SPAG16: variants seen among roughly 807,000 people sequenced by gnomAD.
SPAG16 encodes the protein sperm-associated antigen 16 protein.
Under a neutral mutation model 80.4 loss-of-function variants are expected in SPAG16, and 86 were observed. That is an observed-to-expected ratio of 1.07 (90% CI 0.90 to 1.28). The LOEUF (loss-of-function observed/expected upper bound fraction) is 1.28. SPAG16 is among the 50% of genes most tolerant of loss of function. The pLI is 0.00. For synonymous variants in SPAG16, 294 were observed against 265.9 expected (o/e 1.11, Z -1.03); for missense variants, 870 against 765.3 (o/e 1.14, Z -1.61).
At chr2:214,053,999 C>CA (rs1553704928) in intron 13 of SPAG16, among the ~76,000 whole-genome samples, 3 of 151,412 alleles carry the variant, frequency 2.0e-5, no homozygotes, top group South Asian at 2.1e-4. Flanking sequence ...CCCCCACTCC[C>CA]TTTTTTTTTA....
chr2:213,796,574 A>C (rs1287979565), intron 10 of SPAG16, among the ~76,000 whole-genome samples: 1 of 152,204 alleles, frequency 6.6e-6, no homozygotes, highest in Non-Finnish European at 1.5e-5. Flanking sequence ...TGATGATCCC[A>C]TAATATTATA....
Position 214,216,361 on chromosome 2 carries a change from C to T in SPAG16, c.1720+67095C>T, listed in dbSNP as rs141963037. 3.8e-3 allele frequency among the ~76,000 whole-genome samples: 572 copies of T among 152,158 alleles called. 4 individuals carry two copies. Among genetic ancestry groups the T allele is most frequent in the African/African-American group, 0.013 (550 of 41,498 alleles). On this transcript the variant is annotated intron_variant, in intron 15 of 15. Coordinates refer to ENST00000331683, the MANE Select transcript of SPAG16 (RefSeq NM_024532.5). ...ATGATGAGATGGAGTCTTGCTCTGT[C>T]GCCAGGCTGGAATGCAGTGGCACGA...
chr2:213,691,055 T>TCACCTCTTAAAGGCCC (rs1445001137), intron 10 of SPAG16, among the ~76,000 whole-genome samples: 4 of 152,100 alleles, frequency 2.6e-5, no homozygotes, highest in Non-Finnish European at 5.9e-5. Flanking sequence ...GAAGGCCTAA[T>TCACCTCTTAAAGGCCC]CACCTCTTAA....
At chr2:213,789,230 G>T (rs2070534649) in intron 10 of SPAG16, among the ~76,000 whole-genome samples, 1 of 151,792 alleles carries the variant, frequency 6.6e-6, no homozygotes, top group South Asian at 2.1e-4. Flanking sequence ...CTTTCTGTAG[G>T]CTATAGTATT....
intron 15 of SPAG16, among the ~76,000 whole-genome samples, chr2:214,257,928 T>C (rs527779190): frequency 6.6e-6 from 1 of 152,112 alleles, no homozygotes; most frequent in Non-Finnish European, 1.5e-5. Flanking sequence ...TGAAACCATA[T>C]GGGCGTATAG....
chr2:213,853,262 C>G (rs2074997276), intron 10 of SPAG16, among the ~76,000 whole-genome samples: 1 of 152,132 alleles, frequency 6.6e-6, no homozygotes, highest in South Asian at 2.1e-4. Flanking sequence ...TTTGAAAAGT[C>G]TAACAGTGGA....
chr2:213,878,366 C>T (rs1047142969), intron 11 of SPAG16, among the ~76,000 whole-genome samples: 1 of 151,966 alleles, frequency 6.6e-6, no homozygotes, highest in East Asian at 1.9e-4. Flanking sequence ...AAATAACAGA[C>T]CTTCTAACTA....
intron 15 of SPAG16, among the ~76,000 whole-genome samples, chr2:214,264,948 T>A (rs745549108): frequency 6.6e-6 from 1 of 152,174 alleles, no homozygotes; most frequent in Non-Finnish European, 1.5e-5. Flanking sequence ...TGTCTCTTCA[T>A]GGTTTGATAG....
At chr2:213,762,886 T>G (rs1182377025) in intron 10 of SPAG16, among the ~76,000 whole-genome samples, 2 of 152,138 alleles carry the variant, frequency 1.3e-5, no homozygotes, top group Non-Finnish European at 2.9e-5. Context: ...GTTGCAAATC[T>G]TATAAGGGGT....
intron 9 of SPAG16, among the ~76,000 whole-genome samples, chr2:213,465,322 A>G (rs1222237236): frequency 3.9e-5 from 6 of 152,174 alleles, no homozygotes; most frequent in African/African-American, 1.4e-4. Context: ...TGCACCCGAG[A>G]AAACAGGTGC....
At chr2:213,860,868 A>G (rs527409721) in intron 10 of SPAG16, among the ~76,000 whole-genome samples, 1 of 152,328 alleles carries the variant, frequency 6.6e-6, no homozygotes, top group Admixed American at 6.5e-5. Flanking sequence ...GTGAGCCAAC[A>G]TACATCATAC....
At chr2:214,279,262 A>T (rs1692713717) in intron 15 of SPAG16, among the ~76,000 whole-genome samples, 2 of 152,098 alleles carry the variant, frequency 1.3e-5, no homozygotes, top group South Asian at 4.1e-4. Context: ...ATGCCCAGCT[A>T]ATTTTTGTAT....
intron 12 of SPAG16, among the ~76,000 whole-genome samples, chr2:213,958,063 A>G (rs1023693729): frequency 1.3e-5 from 2 of 152,180 alleles, no homozygotes; most frequent in African/African-American, 2.4e-5. Context: ...TTGCTGAGCC[A>G]ACCAGAAGAG....
chr2:214,292,585 C>A (rs1912194), intron 15 of SPAG16, among the ~76,000 whole-genome samples: 56,256 of 151,862 alleles, frequency 0.37, 10,778 homozygotes, highest in East Asian at 0.55. Context: ...TTGCTTTAAT[C>A]ATTTTTATTT....
intron 10 of SPAG16, among the ~76,000 whole-genome samples, chr2:213,852,782 G>A (rs535599876): frequency 1.3e-5 from 2 of 151,978 alleles, no homozygotes; most frequent in Admixed American, 1.3e-4. Flanking sequence ...TTTGTGATCT[G>A]TTCTCCCCTA....
At chr2:213,343,489 A>G (rs1171806849) in intron 6 of SPAG16, among the ~76,000 whole-genome samples, 1 of 152,192 alleles carries the variant, frequency 6.6e-6, no homozygotes, top group East Asian at 1.9e-4. Context: ...TGATTTATCT[A>G]TAGATATATC....
chr2:213,355,929 G>C (rs935388418), intron 7 of SPAG16, among the ~76,000 whole-genome samples: 1 of 152,138 alleles, frequency 6.6e-6, no homozygotes, highest in Non-Finnish European at 1.5e-5. Context: ...GGTGAGAGAG[G>C]GCATCGTTGT....
At chr2:214,222,830 T>C (rs1322968933) in intron 15 of SPAG16, among the ~76,000 whole-genome samples, 1 of 152,158 alleles carries the variant, frequency 6.6e-6, no homozygotes, top group Non-Finnish European at 1.5e-5. Context: ...TGGATGTGCC[T>C]CATACCAAAT....
intron 10 of SPAG16, among the ~76,000 whole-genome samples, chr2:213,821,257 T>C (rs1468260405): frequency 6.6e-6 from 1 of 152,138 alleles, no homozygotes. Flanking sequence ...CTCCAGTAAA[T>C]TGACAAGCTT....
Sources: allele counts gnomAD v4.1 joint callset (sites outside exome capture counted in the v4.1 genomes callset), GRCh38; gene constraint gnomAD v4.1.1; transcripts MANE v1.5; gene names NCBI Gene and HGNC (gene_info 2026-07-23, HGNC 2026-07-21).